The following FAF1 variants were observed in gnomAD, a reference collection of about 807,000 sequenced individuals.
FAF1 encodes the protein FAS-associated factor 1.
Under a neutral mutation model 92.5 loss-of-function variants are expected in FAF1, and 25 were observed. The observed-to-expected ratio is 0.27, with a 90% CI of 0.20 to 0.38. FAF1 has a LOEUF of 0.38. Among genes scored for constraint, FAF1 ranks in the 10% least tolerant of loss-of-function variants. FAF1 has a pLI of 1.00. For missense variants in FAF1, 636 were observed against 793.3 expected (o/e 0.80, Z 2.38); for synonymous variants, 234 against 273.2 (o/e 0.86, Z 1.42).
At chr1:50,539,195 T>A (rs186168289) in intron 14 of FAF1, among the ~76,000 whole-genome samples, 2 of 152,332 alleles carry the variant, frequency 1.3e-5, no homozygotes, top group East Asian at 3.9e-4. Flanking sequence ...AAATTCAATC[T>A]TCAATATACA....
chr1:50,523,756 T>C (rs1281996266), intron 15 of FAF1, among the ~76,000 whole-genome samples: 2 of 152,246 alleles, frequency 1.3e-5, no homozygotes, highest in Non-Finnish European at 2.9e-5. Context: ...TACTCCATGG[T>C]GTATATATAC....
At chr1:50,843,232 A>T (rs1194745445) in intron 2 of FAF1, among the ~76,000 whole-genome samples, 2 of 152,146 alleles carry the variant, frequency 1.3e-5, no homozygotes, top group Non-Finnish European at 2.9e-5. Flanking sequence ...GGGTTTGCCT[A>T]TGGTTTCCGA....
chr1:50,493,032 TTC>T (rs1646858370), intron 15 of FAF1, among the ~76,000 whole-genome samples: 1 of 144,474 alleles, frequency 6.9e-6, no homozygotes, highest in Non-Finnish European at 1.5e-5. Flanking sequence ...AGGATTAAAC[TTC>T]TTTTTTTTTT....
intron 15 of FAF1, among the ~76,000 whole-genome samples, chr1:50,507,196 C>A (rs1252685555): frequency 6.6e-6 from 1 of 152,176 alleles, no homozygotes; most frequent in Non-Finnish European, 1.5e-5. Flanking sequence ...GGAAAACTAA[C>A]TGACCTCCTG....
At chr1:50,576,480 C>G (rs1465124637) in intron 12 of FAF1, among the ~76,000 whole-genome samples, 2 of 152,092 alleles carry the variant, frequency 1.3e-5, no homozygotes, top group African/African-American at 4.8e-5. Context: ...ATAAGCCCTG[C>G]CATTGAGATT....
intron 4 of FAF1, among the ~76,000 whole-genome samples, chr1:50,766,714 G>A (rs746288757): frequency 1.4e-5 from 2 of 139,654 alleles, no homozygotes; most frequent in African/African-American, 2.7e-5. Flanking sequence ...AAAGTCAGTT[G>A]ACTAAACTCA....
chr1:50,693,979 A>G (rs1368357583), intron 7 of FAF1, among the ~76,000 whole-genome samples: 1 of 132,362 alleles, frequency 7.6e-6, no homozygotes, highest in Middle Eastern at 3.2e-3. Context: ...AAGCAAAGTG[A>G]TCTATATGTA....
chr1:50,887,503 G>C (rs190421196), intron 1 of FAF1, among the ~76,000 whole-genome samples: 1 of 152,280 alleles, frequency 6.6e-6, no homozygotes, highest in Non-Finnish European at 1.5e-5. Flanking sequence ...GGTTTTTATG[G>C]TTTTAGGTCT....
chr1:50,785,132 C>CAAA (rs748061344), intron 4 of FAF1, among the ~76,000 whole-genome samples: 143 of 58,666 alleles, frequency 2.4e-3, no homozygotes, highest in Middle Eastern at 0.015. Context: ...GACCCTATCT[C>CAAA]AAAAAAAAAA....
chr1:50,835,570 CAAAAAAA>C (rs573942977), intron 2 of FAF1, among the ~76,000 whole-genome samples: 3 of 54,904 alleles, frequency 5.5e-5, no homozygotes, highest in African/African-American at 1.2e-4. Context: ...GACTCCATCT[CAAAAAAA>C]AAAAAAAAAA....
At chr1:50,609,552 CT>C (rs1365320052) in intron 8 of FAF1, among the ~76,000 whole-genome samples, 2 of 152,086 alleles carry the variant, frequency 1.3e-5, no homozygotes, top group Non-Finnish European at 2.9e-5. Flanking sequence ...ATCTGGCCAA[CT>C]TTTTTTAAAT....
intron 1 of FAF1, among the ~76,000 whole-genome samples, chr1:50,927,130 AAT>A (rs953725266): frequency 1.3e-5 from 2 of 152,240 alleles, no homozygotes; most frequent in Admixed American, 6.5e-5. Flanking sequence ...ACGTTTAATC[AAT>A]AGAGTTTGGG....
chr1:50,486,767 C>T (rs77497550), intron 17 of FAF1, among the ~76,000 whole-genome samples: 2 of 152,214 alleles, frequency 1.3e-5, no homozygotes, highest in East Asian at 3.9e-4. Flanking sequence ...TAATAATTTG[C>T]ACACAGAAGG....
intron 7 of FAF1, among the ~76,000 whole-genome samples, chr1:50,695,740 CTG>C (rs990966771): frequency 9.2e-5 from 14 of 152,272 alleles, no homozygotes; most frequent in African/African-American, 3.4e-4. Context: ...CCTCCGCCTC[CTG>C]GGTTCAAGTG....
At chr1:50,586,952 C>T (rs778313940) in intron 9 of FAF1, among the ~76,000 whole-genome samples, 10 of 152,110 alleles carry the variant, frequency 6.6e-5, no homozygotes, top group Non-Finnish European at 8.8e-5. Context: ...AAACAAAGGA[C>T]GAGTATGACA....
intron 4 of FAF1, among the ~76,000 whole-genome samples, chr1:50,752,685 G>A (rs11205767): frequency 0.02 from 3,033 of 151,538 alleles, 99 homozygotes; most frequent in African/African-American, 0.071. Flanking sequence ...CATTTTTTTG[G>A]TTTTGTTTTG....
chr1:50,620,215 G>T (rs779551472), intron 8 of FAF1, among the ~76,000 whole-genome samples: 2 of 152,080 alleles, frequency 1.3e-5, no homozygotes. Flanking sequence ...CCTAGATTTG[G>T]TCTCTTAACA....
chr1:50,861,851 C>T (rs919450400), intron 1 of FAF1, among the ~76,000 whole-genome samples: 1 of 151,668 alleles, frequency 6.6e-6, no homozygotes, highest in Non-Finnish European at 1.5e-5. Context: ...GAGAACACAG[C>T]AAGACAGCAG....
intron 1 of FAF1, among the ~76,000 whole-genome samples, chr1:50,878,621 T>A (rs184957277): frequency 1.5e-4 from 23 of 152,310 alleles, no homozygotes; most frequent in Admixed American, 1.5e-3. Context: ...AGCAGCCAAC[T>A]AAGAAGTTAT....
Sources: gnomAD v4.1 joint callset for allele counts (sites outside exome capture counted in the v4.1 genomes callset) on GRCh38, gnomAD v4.1.1 for gene constraint, MANE v1.5 for transcripts, NCBI Gene and HGNC (gene_info 2026-07-23, HGNC 2026-07-21) for gene names.